The following NSD1 variants were observed in gnomAD, a reference collection of about 807,000 sequenced individuals.
NSD1 encodes the protein nuclear receptor binding SET domain protein 1, also known as histone-lysine N-methyltransferase, H3 lysine-36 specific.
NSD1 carries 26 observed loss-of-function variants against 242.7 expected under a neutral mutation model. That is an observed-to-expected ratio of 0.11 (90% CI 0.08 to 0.15). The LOEUF (loss-of-function observed/expected upper bound fraction) is 0.15. Among genes scored for constraint, NSD1 ranks in the 10% least tolerant of loss-of-function variants. The pLI, the probability that NSD1 is intolerant of heterozygous loss-of-function variation, is 1.00. For missense variants in NSD1, 2,495 were observed against 3,272.8 expected, an observed-to-expected ratio of 0.76 and a Z score of 5.80; for synonymous variants, 1,106 against 1,178.1, an observed-to-expected ratio of 0.94 and a Z score of 1.25.
chr5:177,247,810 T>C (rs1766422039), intron 10 of NSD1: 2 of 642,734 alleles, frequency 3.1e-6, no homozygotes, highest in Admixed American at 1.3e-4. Flanking sequence ...GCAGAATGTT[T>C]CTTTCCAGGA....
chr5:177,255,413 G>A (rs114460265), intron 12 of NSD1, among the ~76,000 whole-genome samples: 115 of 152,206 alleles, frequency 7.6e-4, no homozygotes, highest in African/African-American at 2.6e-3. Context: ...GATGTTCTCA[G>A]TGTTTATAGA....
At chr5:177,158,853 C>G (rs1190490375) in intron 2 of NSD1, among the ~76,000 whole-genome samples, 1 of 134,418 alleles carries the variant, frequency 7.4e-6, no homozygotes, top group Non-Finnish European at 1.5e-5. Flanking sequence ...ATGGCAAAAA[C>G]TGGAATTATT....
chr5:177,261,236 A>ATTTTTTT (rs10652091), intron 14 of NSD1, among the ~76,000 whole-genome samples: 1 of 74,754 alleles, frequency 1.3e-5, no homozygotes, highest in East Asian at 3.3e-4. Context: ...TGCCCCACTA[A>ATTTTTTT]TTTTTTTTTT....
At chr5:177,139,886 G>A (rs1756665602) in intron 2 of NSD1, among the ~76,000 whole-genome samples, 1 of 151,224 alleles carries the variant, frequency 6.6e-6, no homozygotes, top group East Asian at 1.9e-4. Flanking sequence ...TGAGACTGCA[G>A]TGAGCCATGA....
chr5:177,253,492 G>C (rs1401339907), intron 12 of NSD1, among the ~76,000 whole-genome samples: 2 of 152,184 alleles, frequency 1.3e-5, no homozygotes, highest in East Asian at 1.9e-4. Flanking sequence ...TTGTTGTATG[G>C]ATTTACTTGG....
intron 2 of NSD1, among the ~76,000 whole-genome samples, chr5:177,160,931 G>A (rs939545474): frequency 6.6e-6 from 1 of 151,652 alleles, no homozygotes; most frequent in Non-Finnish European, 1.5e-5. Flanking sequence ...ACCACGCCCA[G>A]CTAATTTTTG....
At chr5:177,206,976 G>A (rs1421760725) in intron 4 of NSD1, among the ~76,000 whole-genome samples, 1 of 149,720 alleles carries the variant, frequency 6.7e-6, no homozygotes, top group Non-Finnish European at 1.5e-5. Context: ...TCACTCTGTC[G>A]CCCCAGCTGG....
chr5:177,222,191 C>T (rs879479182), intron 5 of NSD1, among the ~76,000 whole-genome samples: 12 of 152,086 alleles, frequency 7.9e-5, no homozygotes, highest in Admixed American at 3.3e-4. Context: ...TGCAGTGGCA[C>T]GATCTTGGCT....
chr5:177,201,469 G>C (rs1332580857), intron 3 of NSD1, among the ~76,000 whole-genome samples: 1 of 151,516 alleles, frequency 6.6e-6, no homozygotes, highest in Non-Finnish European at 1.5e-5. Flanking sequence ...TTATGATAGT[G>C]TTTAGAACTA....
At chr5:177,148,309 G>A (rs1477672366) in intron 2 of NSD1, among the ~76,000 whole-genome samples, 1 of 152,060 alleles carries the variant, frequency 6.6e-6, no homozygotes, top group African/African-American at 2.4e-5. Flanking sequence ...GTAGAGATGG[G>A]GTTTCACTGT....
At chr5:177,207,350 T>C (rs1762958221) in intron 4 of NSD1, among the ~76,000 whole-genome samples, 2 of 151,918 alleles carry the variant, frequency 1.3e-5, no homozygotes, top group African/African-American at 4.8e-5. Flanking sequence ...TGGTGCGATG[T>C]CAGCTCACTA....
At chr5:177,285,346 G>A (rs1759221509) in intron 20 of NSD1, among the ~76,000 whole-genome samples, 2 of 151,848 alleles carry the variant, frequency 1.3e-5, no homozygotes, top group African/African-American at 2.4e-5. Flanking sequence ...GGCAGATCAC[G>A]AGGTCAGGAG....
chr5:177,271,739 G>A (rs910444401), intron 16 of NSD1, among the ~76,000 whole-genome samples: 1 of 152,186 alleles, frequency 6.6e-6, no homozygotes, highest in African/African-American at 2.4e-5. Flanking sequence ...TAGATCCCTA[G>A]TTAGAGCAGA....
intron 2 of NSD1, among the ~76,000 whole-genome samples, chr5:177,170,260 C>T (rs910623224): frequency 3.9e-5 from 6 of 152,238 alleles, no homozygotes; most frequent in Admixed American, 6.5e-5. Flanking sequence ...GTGTGAGCCA[C>T]CGCGCCCAGC....
rs1235022944 is a variant in NSD1, at chr5:177,257,225, TTTC to T, written c.4966+77_4966+79del. 5.0e-5 allele frequency: 59 copies of T among 1,182,930 alleles called. 2 individuals carry two copies. The highest frequency in any genetic ancestry group is 2.0e-4 in the Middle Eastern group (1 of 5,008). The allele number at this position is 1,182,930 out of a possible 1,614,324, so 73.3% of individuals were successfully genotyped here. A position where few individuals can be genotyped will look rare whatever the true frequency, so the allele number is the denominator to read the frequency against. Reference sequence around the variant, plus strand: ...TTGGCAACAGATATTTTCTTTTTTCTTTCTTTTTTTTTTTTTTTTTTTGGAGAC... The same window carrying T: ...TTGGCAACAGATATTTTCTTTTTTCTTTTTTTTTTTTTTTTTTTTGGAGAC... On this transcript the variant is annotated intron_variant, in intron 13 of 22. Transcript: ENST00000439151.
intron 5 of NSD1, among the ~76,000 whole-genome samples, chr5:177,218,472 T>C (rs901495586): frequency 6.6e-5 from 10 of 152,210 alleles, no homozygotes; most frequent in African/African-American, 2.4e-4. Context: ...TGGGGTCCTT[T>C]ATTCTGTTAA....
At chr5:177,239,310 T>C (rs940224698) in intron 7 of NSD1, among the ~76,000 whole-genome samples, 4 of 152,236 alleles carry the variant, frequency 2.6e-5, no homozygotes, top group African/African-American at 7.2e-5. Context: ...AGTCAGCTCT[T>C]TTATATTATT....
intron 2 of NSD1, among the ~76,000 whole-genome samples, chr5:177,149,685 C>T (rs993167196): frequency 3.3e-5 from 5 of 152,038 alleles, no homozygotes; most frequent in African/African-American, 9.7e-5. Flanking sequence ...ATAAGAAGCG[C>T]GCAACCTAGA....
intron 6 of NSD1, among the ~76,000 whole-genome samples, chr5:177,237,871 A>G (rs767354686): frequency 6.6e-6 from 1 of 152,184 alleles, no homozygotes; most frequent in Non-Finnish European, 1.5e-5. Flanking sequence ...CAGTAGCATG[A>G]AGCACAGTTA....
Sources: allele counts gnomAD v4.1 joint callset (sites outside exome capture counted in the v4.1 genomes callset), GRCh38; gene constraint gnomAD v4.1.1; transcripts MANE v1.5; gene names NCBI Gene and HGNC (gene_info 2026-07-23, HGNC 2026-07-21).